Variants in RAPGEF6 observed in about 807,000 individuals in gnomAD.
RAPGEF6 encodes the protein Rap guanine nucleotide exchange factor 6.
RAPGEF6 carries 56 observed loss-of-function variants against 171.4 expected under a neutral mutation model. The observed-to-expected ratio is 0.33, with a 90% CI of 0.26 to 0.41. RAPGEF6 has a LOEUF of 0.41. RAPGEF6 is among the 10% of genes least tolerant of loss of function. The pLI, the probability that RAPGEF6 is intolerant of heterozygous loss-of-function variation, is 1.00. For missense variants in RAPGEF6, 1,674 were observed against 1,921.4 expected, an observed-to-expected ratio of 0.87 and a Z score of 2.41; for synonymous variants, 692 against 650.1, an observed-to-expected ratio of 1.06 and a Z score of -0.98.
intron 19 of RAPGEF6, among the ~76,000 whole-genome samples, chr5:131,456,299 A>G (rs780043518): frequency 2.0e-5 from 3 of 152,246 alleles, no homozygotes; most frequent in Non-Finnish European, 4.4e-5. Flanking sequence ...ATACATTTAA[A>G]TTAAAAAAAA....
intron 3 of RAPGEF6, among the ~76,000 whole-genome samples, chr5:131,599,118 C>T (rs555312915): frequency 6.6e-5 from 10 of 152,248 alleles, no homozygotes; most frequent in Middle Eastern, 3.4e-3. Context: ...TGAGACCAGC[C>T]TGGCCAACGT....
intron 6 of RAPGEF6, among the ~76,000 whole-genome samples, chr5:131,528,298 AATAATATATTTAT>A (rs1759087495): frequency 9.9e-6 from 1 of 101,010 alleles, no homozygotes; most frequent in African/African-American, 3.7e-5. Context: ...AATAAAATAA[AATAATATATTTAT>A]ATTATATATA....
chr5:131,534,425 T>C (rs964008193), intron 6 of RAPGEF6, among the ~76,000 whole-genome samples: 3 of 152,180 alleles, frequency 2.0e-5, no homozygotes, highest in Non-Finnish European at 4.4e-5. Flanking sequence ...TGTAATTATT[T>C]AGATTTTCAT....
chr5:131,483,463 A>T (rs1284484121), intron 15 of RAPGEF6, among the ~76,000 whole-genome samples: 7 of 151,810 alleles, frequency 4.6e-5, no homozygotes, highest in African/African-American at 7.3e-5. Context: ...GCGTTAAATT[A>T]AAAAAAATAG....
At chr5:131,442,678 C>A in intron 22 of RAPGEF6, 141 bp from the exon 23 acceptor site, 1 of 1,309,620 alleles carries the variant, frequency 7.6e-7, no homozygotes. Flanking sequence ...GCAGGAATTT[C>A]AGTTAAGTAC....
chr5:131,506,942 G>C (rs1183293610), intron 9 of RAPGEF6, among the ~76,000 whole-genome samples: 4 of 151,338 alleles, frequency 2.6e-5, no homozygotes, highest in East Asian at 1.9e-4. Context: ...CAAACTTTTG[G>C]GGGGAGTCCA....
At chr5:131,623,687 G>T (rs1765733318) in intron 1 of RAPGEF6, among the ~76,000 whole-genome samples, 1 of 151,756 alleles carries the variant, frequency 6.6e-6, no homozygotes. Context: ...GTTTCTCCAT[G>T]TCGGTCAGGC....
chr5:131,430,946 C>T lies in RAPGEF6; in HGVS notation c.4378G>A (p.Ala1460Thr), dbSNP rs144316522. The T allele has an allele frequency of 1.2e-6, 2 of 1,614,148 alleles. No individual in the cohort carries two copies. Among genetic ancestry groups the T allele is most frequent in the South Asian group, 1.1e-5 (1 of 91,084 alleles). Residue 1460 changes from alanine to threonine, a missense_variant, in exon 26 of 28, where the codon GCT becomes ACT. This residue lies in a region of RAPGEF6 where 552 missense variants were observed against 574.2 expected (regional missense o/e 0.96). Transcript: ENST00000509018. The part of the protein sequence containing the change: ...VKQRVLESTP[A>T]ESSEGLDPKD... ...GGGTCCAAGCCTTCAGATGACTCAG[C>T]TGGGGTGCTCTCCAATACTCTCTGT...
chr5:131,600,906 T>A (rs542656253), intron 3 of RAPGEF6, among the ~76,000 whole-genome samples: 3 of 151,902 alleles, frequency 2.0e-5, no homozygotes, highest in African/African-American at 7.2e-5. Flanking sequence ...CAAAAGGCCC[T>A]AATCACAAGG....
intron 7 of RAPGEF6, among the ~76,000 whole-genome samples, chr5:131,519,985 A>G (rs1758367063): frequency 6.6e-6 from 1 of 152,192 alleles, no homozygotes. Flanking sequence ...TATAAAATGG[A>G]GAACAGGGAA....
chr5:131,610,676 G>A (rs932813955), intron 1 of RAPGEF6, among the ~76,000 whole-genome samples: 2 of 152,092 alleles, frequency 1.3e-5, no homozygotes, highest in Non-Finnish European at 1.5e-5. Flanking sequence ...GCATAGTGGA[G>A]GAGAGAGGAT....
chr5:131,490,309 G>A (rs1756194556), intron 14 of RAPGEF6, among the ~76,000 whole-genome samples: 1 of 151,566 alleles, frequency 6.6e-6, no homozygotes, highest in African/African-American at 2.4e-5. Context: ...GCAGATCTAG[G>A]GGATCAACAT....
chr5:131,468,021 GCT>G (rs1400245233), intron 17 of RAPGEF6, among the ~76,000 whole-genome samples: 1 of 147,448 alleles, frequency 6.8e-6, no homozygotes, highest in Non-Finnish European at 1.5e-5. Flanking sequence ...ACAGAGTGAG[GCT>G]CTGTCAAAAA....
chr5:131,519,898 G>A lies in RAPGEF6; in HGVS notation c.627+1492C>T, dbSNP rs1337045164. On this transcript the variant is annotated intron_variant, in intron 7 of 27. Transcript: ENST00000509018. ...GGGCAGAAAGCATGAAGCCCAATAG[G>A]TACACAAGTACTAAGTGGTGCCAGA... Among the ~76,000 whole-genome samples the A allele has an allele frequency of 2.0e-5, 3 of 152,230 alleles. No homozygotes were observed. The East Asian group carries it at 5.8e-4, about 29-fold the overall frequency.
chr5:131,590,236 C>G (rs1763509049), intron 4 of RAPGEF6, among the ~76,000 whole-genome samples: 1 of 152,058 alleles, frequency 6.6e-6, no homozygotes, highest in African/African-American at 2.4e-5. Flanking sequence ...CCTGTCTTTA[C>G]TAAAAATACA....
At chr5:131,523,279 C>CTTTTTTTTTTTTTTTT (rs1171953953) in intron 6 of RAPGEF6, among the ~76,000 whole-genome samples, 14 of 66,654 alleles carry the variant, frequency 2.1e-4, no homozygotes, top group South Asian at 5.1e-4. Flanking sequence ...CTGTTGTATG[C>CTTTTTTTTTTTTTTTT]TTTTTTTTTT....
At chr5:131,574,446 C>G (rs1377383918) in intron 4 of RAPGEF6, among the ~76,000 whole-genome samples, 1 of 152,106 alleles carries the variant, frequency 6.6e-6, no homozygotes, top group Non-Finnish European at 1.5e-5. Context: ...AATACGGGGG[C>G]TACCCACTCC....
chr5:131,597,777 T>C (rs1040907702), intron 3 of RAPGEF6, among the ~76,000 whole-genome samples: 8 of 152,116 alleles, frequency 5.3e-5, no homozygotes, highest in African/African-American at 1.7e-4. Flanking sequence ...GAAAAATAAA[T>C]TCTGGTGTTC....
chr5:131,587,992 C>CTT lies in RAPGEF6; in HGVS notation c.281+4389_281+4390dup, dbSNP rs201414978. Among the ~76,000 whole-genome samples the CTT allele has an allele frequency of 7.9e-4, 113 of 142,682 alleles. 1 individual carries two copies. The East Asian group carries it at 0.016, about 21-fold the overall frequency. The allele number at this position is 142,682 out of a possible 152,430, so 93.6% of individuals were successfully genotyped here. On this transcript the variant is annotated intron_variant, in intron 4 of 27. Transcript: ENST00000509018. The stretch of plus-strand genomic sequence containing the variant: ...GACAAATCATGAGGGAGCAATGTAG[C>CTT]TTTTTTTTTTTTTTAAATTTTTGTA...
Sources: gnomAD v4.1 joint callset for allele counts (sites outside exome capture counted in the v4.1 genomes callset) on GRCh38, gnomAD v4.1.1 for gene constraint, gnomAD v4.1.1 regional missense constraint, MANE v1.5 for transcripts, NCBI Gene and HGNC (gene_info 2026-07-23, HGNC 2026-07-21) for gene names.